Variants in HSBP1 observed in about 807,000 individuals in gnomAD.
The protein encoded by HSBP1 is heat shock factor-binding protein 1.
Under a neutral mutation model 9.6 loss-of-function variants are expected in HSBP1, and 5 were observed. That is an observed-to-expected ratio of 0.52 (90% confidence interval 0.27 to 1.09). The LOEUF (loss-of-function observed/expected upper bound fraction) is 1.09, where lower values mean the gene tolerates loss of function less well. Among genes scored for constraint, HSBP1 ranks in the 50% least tolerant of loss-of-function variants. The pLI is 0.11. For missense variants in HSBP1, 121 were observed against 96.3 expected, an observed-to-expected ratio of 1.26 and a Z score of -1.07; for synonymous variants, 42 against 33.3, an observed-to-expected ratio of 1.26 and a Z score of -0.90.
At position 83,816,975 on chromosome 16, in the gene HSBP1, G is replaced by A. The variant is rs141602525; in HGVS notation, c.*5557G>A. ...CTAGATTATAAACACTGGTAACACT[G>A]GAGATGGTTAAATCGGAATTAGCTG... On this transcript the variant is annotated 3_prime_UTR_variant, in exon 4 of 4. Coordinates refer to ENST00000433866, the MANE Select transcript of HSBP1 (RefSeq NM_001537.4). The A allele has an allele frequency of 1.3e-5, 2 of 152,334 alleles. No individual in the cohort carries two copies. Among genetic ancestry groups the A allele is most frequent in the African/African-American group, 4.8e-5 (2 of 41,576 alleles). 9.4% of individuals were successfully genotyped at this position (152,334 alleles called of 1,614,324 possible).
In HSBP1 at chr16:83,814,031, A is replaced by AG. The variant is rs1904663660; in HGVS notation, c.*2614dup. ...TAGAGCACTGTTGCTATGGGAACAT[A>AG]GAGTCCTCCAAACAAAAGTGAACTT... On this transcript the variant is annotated 3_prime_UTR_variant, in exon 4 of 4. Coordinates refer to ENST00000433866, the MANE Select transcript of HSBP1 (RefSeq NM_001537.4). The AG allele has an allele frequency of 1.6e-5, 1 of 61,698 alleles. No homozygotes were observed. Among genetic ancestry groups the AG allele is most frequent in the African/African-American group, 4.6e-5 (1 of 21,598 alleles). The allele number at this position is 61,698 out of a possible 1,614,324, so 3.8% of individuals were successfully genotyped here. A position where few individuals can be genotyped will look rare whatever the true frequency, so the allele number is the denominator to read the frequency against.
In HSBP1 at chr16:83,816,205, C is replaced by G. The variant is rs1904717176; in HGVS notation, c.*4787C>G. The G allele has an allele frequency of 6.6e-6, 1 of 152,080 alleles. No individual in the cohort carries two copies. Among genetic ancestry groups the G allele is most frequent in the African/African-American group, 2.4e-5 (1 of 41,402 alleles). 9.4% of individuals were successfully genotyped at this position (152,080 alleles called of 1,614,324 possible). A position where few individuals can be genotyped will look rare whatever the true frequency, so the allele number is the denominator to read the frequency against. ...CCTGAGGTCAGGAGTTCTAAACCAG[C>G]CTGGCCAACATGGCGAAACCCCCGT... On this transcript the variant is annotated 3_prime_UTR_variant, in exon 4 of 4. Transcript: ENST00000433866.
In HSBP1 at chr16:83,808,709, T is replaced by A. The variant is rs745616155; in HGVS notation, c.75T>A (p.Asp25Glu). The A allele has an allele frequency of 6.2e-7, 1 of 1,612,974 alleles. No homozygotes were observed. The highest frequency in any genetic ancestry group is 8.5e-7 in the Non-Finnish European group (1 of 1,179,104). ...VVQTLLQQMQ[D>E]KFQTMSDQII... ...AGACACTCCTGCAGCAGATGCAAGA[T>A]AAATTTCAGACCATGTCTGACCAGA... The change falls in exon 2 of 4, where the codon GAT becomes GAA. Residue 25 changes from aspartate to glutamate, a missense_variant. Coordinates refer to ENST00000433866, the MANE Select transcript of HSBP1 (RefSeq NM_001537.4).
intron 1 of HSBP1, 76 bp from the exon 2 acceptor site, chr16:83,808,604 A>C: frequency 8.4e-7 from 1 of 1,191,556 alleles, no homozygotes. Flanking sequence ...CCCCGGGACC[A>C]GGGCTTGCGT....
rs1201714776 is a variant in HSBP1, at chr16:83,815,210, A to T, written c.*3792A>T. The T allele has an allele frequency of 2.6e-5, 4 of 152,214 alleles. No individual in the cohort carries two copies. Among genetic ancestry groups the T allele is most frequent in the East Asian group, 1.9e-4 (1 of 5,200 alleles). 9.4% of individuals were successfully genotyped at this position (152,214 alleles called of 1,614,324 possible). A position where few individuals can be genotyped will look rare whatever the true frequency, so the allele number is the denominator to read the frequency against. ...CAAAAACAAAACCAGAGGAATTGTG[A>T]TTGAACATTGCACTTATCAACCCTA... On this transcript the variant is annotated 3_prime_UTR_variant, in exon 4 of 4. Transcript: ENST00000433866.
intron 3 of HSBP1, 37 bp downstream of exon 3, chr16:83,809,462 CTTTTTTTTT>C (rs34576085): frequency 7.4e-4 from 301 of 408,228 alleles, no homozygotes; most frequent in East Asian, 5.5e-3. Context: ...CTTTTCTTTT[CTTTTTTTTT>C]TTTTTTTTTT....
intron 3 of HSBP1, among the ~76,000 whole-genome samples, chr16:83,810,676 A>G (rs1904582076): frequency 6.6e-6 from 1 of 151,970 alleles, no homozygotes; most frequent in Non-Finnish European, 1.5e-5. Context: ...GTCTGTACAA[A>G]AATTAGCTGG....
At position 83,817,486 on chromosome 16, in the gene HSBP1, G is replaced by T. The variant is rs33124; in HGVS notation, c.*6068G>T. On this transcript the variant is annotated 3_prime_UTR_variant, in exon 4 of 4. Transcript: ENST00000433866. ...TTTCACCTGTATCATCTCATTCACT[G>T]CTCAGAGGCTCTCGAAAGCTGTTGA... 152,312 of 152,352 alleles carry T rather than the reference G, an allele frequency of 1. 76,136 individuals carry two copies. The highest frequency in any genetic ancestry group is 1 in the Non-Finnish European group (68,036 of 68,036). 9.4% of individuals were successfully genotyped at this position (152,352 alleles called of 1,614,324 possible). A position where few individuals can be genotyped will look rare whatever the true frequency, so the allele number is the denominator to read the frequency against.
chr16:83,810,276 G>A (rs1027325605), intron 3 of HSBP1, among the ~76,000 whole-genome samples: 6 of 151,952 alleles, frequency 3.9e-5, no homozygotes, highest in African/African-American at 1.5e-4. Flanking sequence ...AGATGTCAGA[G>A]GAAAGCCTAG....
At position 83,808,755 on chromosome 16, in the gene HSBP1, T is replaced by C. The variant is rs765766042; in HGVS notation, c.112+9T>C. 1.2e-6 allele frequency: 2 copies of C among 1,604,244 alleles called. No homozygotes were observed. Among genetic ancestry groups the C allele is most frequent in the Non-Finnish European group, 1.7e-6 (2 of 1,172,662 alleles). ...CCAGATCATTGGGAGAAATATCCTT[T>C]TTATCTGCAGTCGGCCTCCTGTGGG... On this transcript the variant is annotated intron_variant, in intron 2 of 3. Coordinates refer to ENST00000433866, the MANE Select transcript of HSBP1 (RefSeq NM_001537.4).
In HSBP1 at chr16:83,811,627, C is replaced by G. The variant is rs1904603387; in HGVS notation, c.*209C>G. On this transcript the variant is annotated 3_prime_UTR_variant, in exon 4 of 4. Coordinates refer to ENST00000433866, the MANE Select transcript of HSBP1 (RefSeq NM_001537.4). ...ACATCTTGGACCTTGGTCAGTTGTG[C>G]TATTCATTATTAAACACTAAAACTT... 1 of 152,190 alleles carries G rather than the reference C, an allele frequency of 6.6e-6. No homozygotes were observed. The highest frequency in any genetic ancestry group is 6.5e-5 in the Admixed American group (1 of 15,272). The allele number at this position is 152,190 out of a possible 1,614,324, so 9.4% of individuals were successfully genotyped here.
intron 3 of HSBP1, among the ~76,000 whole-genome samples, 160 bp from the exon 4 acceptor site, chr16:83,811,261 G>T (rs975261832): frequency 6.6e-6 from 1 of 152,212 alleles, no homozygotes; most frequent in African/African-American, 2.4e-5. Flanking sequence ...AACTTTTAAA[G>T]ATATTTCCAG....
At position 83,809,213 on chromosome 16, in the gene HSBP1, C is replaced by T; in HGVS notation, c.113-92C>T. The T allele has an allele frequency of 6.3e-6, 5 of 788,364 alleles. No individual in the cohort carries two copies. In the South Asian group the frequency reaches 6.5e-5, roughly 10 times the overall value. The allele number at this position is 788,364 out of a possible 1,614,324, so 48.8% of individuals were successfully genotyped here. A position where few individuals can be genotyped will look rare whatever the true frequency, so the allele number is the denominator to read the frequency against. On this transcript the variant is annotated intron_variant, in intron 2 of 3. Transcript: ENST00000433866. ...AAAGAAAATTGGAAGACCAGTTTCC[C>T]TAAAGTCGTTGTGTTTAAGGCTGTA...
chr16:83,809,764 G>C (rs539066322), intron 3 of HSBP1, among the ~76,000 whole-genome samples: 1 of 151,822 alleles, frequency 6.6e-6, no homozygotes, highest in Non-Finnish European at 1.5e-5. Flanking sequence ...CGCCGTGCCC[G>C]GTCTTTTTTT....
rs569159471 is a variant in HSBP1 at position 83,813,497 on chromosome 16, C to G, written c.*2079C>G. 7.2e-5 allele frequency: 11 copies of G among 152,406 alleles called. No homozygotes were observed. The highest frequency in any genetic ancestry group is 1.9e-4 in the African/African-American group (8 of 41,360). 9.4% of individuals were successfully genotyped at this position (152,406 alleles called of 1,614,324 possible). On this transcript the variant is annotated 3_prime_UTR_variant, in exon 4 of 4. Transcript: ENST00000433866. ...TCCCAAGTAGCTAATATTACAGGTT[C>G]GTGCCACCGCACCTGGGTCTTGCTG...
rs1259908002 is a variant in HSBP1 at position 83,816,283 on chromosome 16, C to G, written c.*4865C>G. ...GGCGTGGTGGTGGGCGCTTGTAATC[C>G]CAGTTGCTCGGGAGGCTGAGGGAGG... is the stretch of plus-strand genomic sequence containing the variant. On this transcript the variant is annotated 3_prime_UTR_variant, in exon 4 of 4. Coordinates refer to ENST00000433866, the MANE Select transcript of HSBP1 (RefSeq NM_001537.4). 1 of 152,060 alleles carries G rather than the reference C, an allele frequency of 6.6e-6. No homozygotes were observed. Among genetic ancestry groups the G allele is most frequent in the African/African-American group, 2.4e-5 (1 of 41,358 alleles). 9.4% of individuals were successfully genotyped at this position (152,060 alleles called of 1,614,324 possible).
chr16:83,808,073 G>T lies in HSBP1; in HGVS notation c.-4G>T. 1 of 1,544,740 alleles carries T rather than the reference G, an allele frequency of 6.5e-7. No individual in the cohort carries two copies. On this transcript the variant is annotated 5_prime_UTR_variant, in exon 1 of 4. Coordinates refer to ENST00000433866, the MANE Select transcript of HSBP1 (RefSeq NM_001537.4). ...ACATCACCGCCAAGCTGGGCATCGG[G>T]GAGATGGCCGAGACTGACCCCAAGA...
chr16:83,808,996 T>G (rs1180850869), intron 2 of HSBP1: 1 of 550,608 alleles, frequency 1.8e-6, no homozygotes, highest in African/African-American at 1.9e-5. Context: ...CACTGTGAAC[T>G]AAGCGCTTTT....
chr16:83,808,561 C>A, intron 1 of HSBP1, 119 bp from the exon 2 acceptor site: 1 of 709,780 alleles, frequency 1.4e-6, no homozygotes, highest in Non-Finnish European at 2.4e-6. Flanking sequence ...CTGAAGGCCG[C>A]ACAGCTGTCC....
Sources: gnomAD v4.1 joint callset for allele counts (sites outside exome capture counted in the v4.1 genomes callset) on GRCh38, gnomAD v4.1.1 for gene constraint, MANE v1.5 for transcripts, NCBI Gene and HGNC (gene_info 2026-07-23, HGNC 2026-07-21) for gene names.